Variants in MYO18B observed in about 807,000 individuals in gnomAD.
The protein encoded by MYO18B is myosin XVIIIB.
MYO18B carries 204 observed loss-of-function variants against 273.0 expected under a neutral mutation model. That is an observed-to-expected ratio of 0.75 (90% CI 0.67 to 0.84). The LOEUF (loss-of-function observed/expected upper bound fraction) is 0.84. Among genes scored for constraint, MYO18B ranks in the 40% least tolerant of loss-of-function variants. The probability of loss-of-function intolerance (pLI) is 0.00; values close to 1 mark genes in which losing one functional copy is unlikely to be tolerated. For synonymous variants in MYO18B, 1,330 were observed against 1,305.7 expected (o/e 1.02, Z -0.40); for missense variants, 3,212 against 3,287.6 (o/e 0.98, Z 0.56).
chr22:25,786,931 T>C (rs1272950086), intron 11 of MYO18B, among the ~76,000 whole-genome samples: 1 of 152,150 alleles, frequency 6.6e-6, no homozygotes, highest in African/African-American at 2.4e-5. Flanking sequence ...TTAAAGAAAT[T>C]CAGCCAGTGC....
intron 12 of MYO18B, among the ~76,000 whole-genome samples, chr22:25,817,200 TTTTC>T (rs150447515): frequency 0.062 from 9,419 of 151,610 alleles, 355 homozygotes; most frequent in East Asian, 0.12. Flanking sequence ...CTTCCTCCCT[TTTTC>T]TTTCTTTCTT....
chr22:25,893,798 CCCATCCACCCATCCAT>C (rs1182980352), intron 27 of MYO18B, among the ~76,000 whole-genome samples: 3 of 151,442 alleles, frequency 2.0e-5, no homozygotes, highest in South Asian at 2.1e-4. Flanking sequence ...CACCCATCCA[CCCATCCACCCATCCAT>C]CCATTTATCC....
rs1455552291 is a variant in MYO18B, at chr22:26,019,655, G to T, written c.6471-6790G>T. Reference sequence around the variant, plus strand: ...TCAGGTCATCTTCAAAGAGCATCTGGTTTCCCATCTCAGGCCTCACCAGTA... The same window carrying T: ...TCAGGTCATCTTCAAAGAGCATCTGTTTTCCCATCTCAGGCCTCACCAGTA... On this transcript the variant is annotated intron_variant, in intron 42 of 43. Transcript: ENST00000335473. Among the ~76,000 whole-genome samples, 3 of 152,238 alleles carry T rather than the reference G, an allele frequency of 2.0e-5. No homozygotes were observed. The East Asian group carries it at 5.8e-4, about 29-fold the overall frequency.
intron 20 of MYO18B, among the ~76,000 whole-genome samples, chr22:25,849,474 A>AAT (rs1223124467): frequency 1.3e-5 from 2 of 152,144 alleles, no homozygotes; most frequent in African/African-American, 2.4e-5. Flanking sequence ...GTGCATATAT[A>AAT]ATATATATAT....
chr22:25,960,836 T>C (rs184636916), intron 39 of MYO18B, among the ~76,000 whole-genome samples: 20 of 152,270 alleles, frequency 1.3e-4, no homozygotes, highest in Non-Finnish European at 2.4e-4. Context: ...TAGCTTACTG[T>C]GTTATTTCTC....
intron 21 of MYO18B, among the ~76,000 whole-genome samples, chr22:25,852,487 A>G (rs757492654): frequency 2.0e-5 from 3 of 152,190 alleles, no homozygotes; most frequent in African/African-American, 2.4e-5. Context: ...CCGTAAACTC[A>G]TGGAATCTCA....
chr22:25,773,338 G>A (rs914734469), intron 7 of MYO18B, among the ~76,000 whole-genome samples: 2 of 152,166 alleles, frequency 1.3e-5, no homozygotes, highest in African/African-American at 4.8e-5. Flanking sequence ...GATAAGAGTG[G>A]CCCGAGCAGA....
intron 43 of MYO18B, among the ~76,000 whole-genome samples, chr22:26,029,667 T>A (rs1411803584): frequency 2.0e-5 from 3 of 152,098 alleles, no homozygotes; most frequent in Non-Finnish European, 2.9e-5. Context: ...AGCTATACAA[T>A]GCAACACCTC....
Position 25,769,103 on chromosome 22 carries a change from G to A in MYO18B, c.1187G>A (p.Gly396Glu). Residue 396 changes from glycine to glutamate, a missense_variant, in exon 4 of 44, where the codon GGG becomes GAG. Coordinates refer to ENST00000335473, the MANE Select transcript of MYO18B (RefSeq NM_032608.7). ...TCCTGGGATAAGAAGGAAAAGATGG[G>A]GCAACCCCAGGGTAAGTCCGGGAAC... ...GESWDKKEKM[G>E]QPQGKSGNAG... The A allele has an allele frequency of 6.2e-7, 1 of 1,613,504 alleles. No individual in the cohort carries two copies. The highest frequency in any genetic ancestry group is 1.1e-5 in the South Asian group (1 of 90,916).
chr22:25,972,253 G>A (rs28557080), intron 39 of MYO18B, among the ~76,000 whole-genome samples: 7 of 151,926 alleles, frequency 4.6e-5, no homozygotes, highest in Non-Finnish European at 1.0e-4. Flanking sequence ...CCAGAACCCC[G>A]ATTTGTGATT....
chr22:25,747,351 C>G (rs991541210), intron 1 of MYO18B, among the ~76,000 whole-genome samples: 4 of 152,224 alleles, frequency 2.6e-5, no homozygotes. Flanking sequence ...CTGTCTTGTT[C>G]AGCCCAGGCA....
the MYO18B span, among the ~76,000 whole-genome samples, chr22:26,055,370 T>C: frequency 6.6e-6 from 1 of 152,114 alleles, no homozygotes; most frequent in Non-Finnish European, 1.5e-5. Context: ...CATGTTCTGG[T>C]CTTGGCTGGG....
At position 25,947,009 on chromosome 22, in the gene MYO18B, A is replaced by G. The variant is rs759576919; in HGVS notation, c.5632-703A>G. 2.0e-5 allele frequency among the ~76,000 whole-genome samples: 3 copies of G among 152,196 alleles called. 1 individual carries two copies. The highest frequency in any genetic ancestry group is 2.9e-5 in the Non-Finnish European group (2 of 68,044). ...GGCTTAGATTTATACTCAATGTATA[A>G]AACACTAAAGTTTAGGTATAGTTCG... On this transcript the variant is annotated intron_variant, in intron 35 of 43. Transcript: ENST00000335473.
At chr22:25,794,813 A>G (rs1395637445) in intron 11 of MYO18B, among the ~76,000 whole-genome samples, 3 of 152,188 alleles carry the variant, frequency 2.0e-5, no homozygotes, top group East Asian at 3.8e-4. Context: ...CAATGTTAAT[A>G]TTATTAAACA....
At chr22:25,814,679 T>C (rs2088925794) in intron 12 of MYO18B, among the ~76,000 whole-genome samples, 2 of 152,094 alleles carry the variant, frequency 1.3e-5, no homozygotes, top group African/African-American at 2.4e-5. Flanking sequence ...AACTCCAATA[T>C]GTATGAGTTC....
the MYO18B span, among the ~76,000 whole-genome samples, chr22:26,036,901 G>A: frequency 1.3e-5 from 2 of 152,188 alleles, no homozygotes; most frequent in African/African-American, 2.4e-5. Context: ...GAGAGAGAAC[G>A]TAACAAGGGG....
chr22:25,912,425 A>G (rs944178071), intron 33 of MYO18B, among the ~76,000 whole-genome samples: 1 of 152,252 alleles, frequency 6.6e-6, no homozygotes, highest in Admixed American at 6.5e-5. Context: ...CAGAATAGAT[A>G]ATCTAGTAAA....
intron 39 of MYO18B, among the ~76,000 whole-genome samples, chr22:25,961,655 G>T (rs1384790053): frequency 1.3e-5 from 2 of 152,136 alleles, no homozygotes; most frequent in Admixed American, 1.3e-4. Flanking sequence ...AACCACCCTG[G>T]CCCCAGAACT....
At chr22:25,863,008 A>G (rs570360258) in intron 21 of MYO18B, among the ~76,000 whole-genome samples, 3 of 151,670 alleles carry the variant, frequency 2.0e-5, no homozygotes, top group African/African-American at 4.8e-5. Flanking sequence ...CCTCCTTCCT[A>G]TTTCTCTCCG....
Sources: gnomAD v4.1 joint callset for allele counts (sites outside exome capture counted in the v4.1 genomes callset) on GRCh38, gnomAD v4.1.1 for gene constraint, MANE v1.5 for transcripts, NCBI Gene and HGNC (gene_info 2026-07-23, HGNC 2026-07-21) for gene names.